The following USP46 variants were observed in gnomAD, a reference collection of about 807,000 sequenced individuals.
The protein encoded by USP46 is ubiquitin carboxyl-terminal hydrolase 46.
Under a neutral mutation model 44.4 loss-of-function variants are expected in USP46, and 12 were observed. That is an observed-to-expected ratio of 0.27 (90% CI 0.17 to 0.44). The LOEUF is 0.44. Among genes scored for constraint, USP46 ranks in the 20% least tolerant of loss-of-function variants. The pLI is 1.00. For missense variants in USP46, 248 were observed against 444.8 expected (o/e 0.56, Z 3.98); for synonymous variants, 155 against 161.5 (o/e 0.96, Z 0.31).
intron 6 of USP46, among the ~76,000 whole-genome samples, chr4:52,604,089 T>G (rs1311458750): frequency 6.6e-6 from 1 of 152,232 alleles, no homozygotes; most frequent in Non-Finnish European, 1.5e-5. Context: ...GAGGTCCTAA[T>G]GTTTAAGCAA....
intron 7 of USP46, among the ~76,000 whole-genome samples, chr4:52,601,348 T>C (rs573730068): frequency 6.6e-6 from 1 of 152,362 alleles, no homozygotes; most frequent in African/African-American, 2.4e-5. Context: ...CTCTCTCTTA[T>C]CTTTTTTCTG....
intron 4 of USP46, among the ~76,000 whole-genome samples, chr4:52,621,301 T>C (rs1717367524): frequency 1.3e-5 from 2 of 152,016 alleles, no homozygotes; most frequent in Non-Finnish European, 1.5e-5. Context: ...ACAATGTATA[T>C]AAAAGATAAA....
rs558384288 is a variant in USP46, at chr4:52,598,680, G to C, written c.947C>G (p.Thr316Ser). 1.2e-6 allele frequency: 2 copies of C among 1,609,972 alleles called. No individual in the cohort carries two copies. The highest frequency in any genetic ancestry group is 4.5e-5 in the East Asian group (2 of 44,816). The change falls in exon 8 of 9, where the codon ACT becomes AGT. Residue 316 changes from threonine (T) to serine (S), a missense_variant. By Grantham distance (58) the Thr-to-Ser change is moderately conservative. This residue lies in a region of USP46 where 98 missense variants were observed against 218.2 expected (regional missense o/e 0.45). Transcript: ENST00000441222. ...CCAGAAGCCGTGACTTTTCACAATA[G>C]TGATATAATGCCCACGATTAGGACC... ...GSGPNRGHYI[T>S]IVKSHGFWLL...
chr4:52,620,415 C>T (rs540969339), intron 4 of USP46, among the ~76,000 whole-genome samples: 7 of 152,228 alleles, frequency 4.6e-5, no homozygotes, highest in South Asian at 4.1e-4. Flanking sequence ...TTCTTCTTCA[C>T]GGCATCTTGC....
chr4:52,646,466 T>C (rs1472123142), intron 1 of USP46, among the ~76,000 whole-genome samples: 2 of 152,188 alleles, frequency 1.3e-5, no homozygotes, highest in Non-Finnish European at 2.9e-5. Context: ...TTTACAGCAA[T>C]GTTATTTACT....
At chr4:52,656,434 C>CGGGGGGGGG in intron 1 of USP46, 2 of 133,484 alleles carry the variant, frequency 1.5e-5, no homozygotes, top group East Asian at 4.6e-4. Context: ...ACAGTGGGGG[C>CGGGGGGGGG]GGTGGGTGGG....
Position 52,659,080 on chromosome 4 carries a change from G to C in USP46, c.36+35C>G, listed in dbSNP as rs766311773. 1.9e-6 allele frequency: 3 copies of C among 1,547,418 alleles called. No homozygotes were observed. Among genetic ancestry groups the C allele is most frequent in the African/African-American group, 2.8e-5 (2 of 70,468 alleles). On this transcript the variant is annotated intron_variant, in intron 1 of 8. Transcript: ENST00000441222. This position sits in a 1 kb window ranked among gnomAD's most constrained non-coding sequence, Gnocchi z 4.2. ...CTTCCCTTTCTTTGCCTCGCCGCGA[G>C]TCGGGCGCGACCCCGAGGCGGCTCG...
At chr4:52,628,328 C>G in intron 2 of USP46, 165 bp from the exon 3 acceptor site, 1 of 605,612 alleles carries the variant, frequency 1.7e-6, no homozygotes. Flanking sequence ...CTCTAAACAC[C>G]AGTGACCATC....
rs1716141673 is a variant in USP46 at position 52,594,286 on chromosome 4, CA to C, written c.*3353del. The C allele has an allele frequency of 6.6e-6, 1 of 152,206 alleles. No individual in the cohort carries two copies. The highest frequency in any genetic ancestry group is 2.4e-5 in the African/African-American group (1 of 41,528). The allele number at this position is 152,206 out of a possible 1,614,324, so 9.4% of individuals were successfully genotyped here. On this transcript the variant is annotated 3_prime_UTR_variant, in exon 9 of 9. Transcript: ENST00000441222. ...TTGCTTAAAGTGCTTGAATTGGTTA[CA>C]TTTTAAAAAATTAAGGTACAGATTA... is the stretch of plus-strand genomic sequence containing the variant.
chr4:52,597,475 G>A lies in USP46; in HGVS notation c.*165C>T. 5 of 597,142 alleles carry A rather than the reference G, an allele frequency of 8.4e-6. No individual in the cohort carries two copies. The highest frequency in any genetic ancestry group is 1.5e-5 in the Non-Finnish European group (5 of 337,482). 37.0% of individuals were successfully genotyped at this position (597,142 alleles called of 1,614,324 possible). A position where few individuals can be genotyped will look rare whatever the true frequency, so the allele number is the denominator to read the frequency against. On this transcript the variant is annotated 3_prime_UTR_variant, in exon 9 of 9. Transcript: ENST00000441222. ...AGACTGAAATAAAACCAAGAGTAGT[G>A]CTGCATGTAAAAACACAAAAGGAGA...
intron 1 of USP46, among the ~76,000 whole-genome samples, chr4:52,644,582 C>T (rs998617921): frequency 6.6e-6 from 1 of 152,046 alleles, no homozygotes; most frequent in African/African-American, 2.4e-5. Context: ...AGGTTGCATA[C>T]TCCTTCTGAG....
chr4:52,656,666 C>T (rs1260860572), intron 1 of USP46: 8 of 825,814 alleles, frequency 9.7e-6, no homozygotes, highest in Non-Finnish European at 1.2e-5. Flanking sequence ...AGTAATACAA[C>T]AATATTAACA....
intron 1 of USP46, among the ~76,000 whole-genome samples, chr4:52,655,996 A>C (rs779194750): frequency 2.6e-5 from 4 of 152,204 alleles, no homozygotes; most frequent in Non-Finnish European, 5.9e-5. Flanking sequence ...TATCTGCTAC[A>C]AATTTGATTT....
intron 1 of USP46, among the ~76,000 whole-genome samples, chr4:52,641,710 C>G (rs1718348236): frequency 6.6e-6 from 1 of 152,222 alleles, no homozygotes; most frequent in Non-Finnish European, 1.5e-5. Context: ...CCAGACCATG[C>G]CACAGATTAA....
At chr4:52,611,132 C>T (rs1412915298) in intron 4 of USP46, among the ~76,000 whole-genome samples, 3 of 152,180 alleles carry the variant, frequency 2.0e-5, no homozygotes, top group East Asian at 1.9e-4. Flanking sequence ...GCTGGAGAAT[C>T]GCACTGACCA....
chr4:52,640,639 T>TAA (rs768974353), intron 1 of USP46, among the ~76,000 whole-genome samples: 2 of 148,272 alleles, frequency 1.3e-5, no homozygotes, highest in South Asian at 4.3e-4. Flanking sequence ...TGTCTCTACT[T>TAA]AAAAAAAAAA....
chr4:52,632,985 AAAAGAAAAGAAAGAAAGAAAGAAAGAAAG>A (rs1717950955), intron 1 of USP46, among the ~76,000 whole-genome samples: 2 of 53,292 alleles, frequency 3.8e-5, no homozygotes, highest in African/African-American at 8.3e-5. Context: ...AGAAAGAAAG[AAAAGAAAAGAAAGAAAGAAAGAAAGAAAG>A]AAAGAAAGAA....
intron 1 of USP46, among the ~76,000 whole-genome samples, chr4:52,634,204 C>G (rs1043458324): frequency 2.6e-5 from 4 of 151,422 alleles, no homozygotes; most frequent in South Asian, 2.1e-4. Flanking sequence ...ACCTCTACCC[C>G]CTGGGTTCAA....
intron 1 of USP46, among the ~76,000 whole-genome samples, chr4:52,653,067 G>A (rs1718826130): frequency 6.6e-6 from 1 of 152,076 alleles, no homozygotes; most frequent in Admixed American, 6.6e-5. Flanking sequence ...ACTATCCATT[G>A]CAAAGAATCA....
Sources: allele counts gnomAD v4.1 joint callset (sites outside exome capture counted in the v4.1 genomes callset), GRCh38; gene constraint gnomAD v4.1.1; regional missense constraint gnomAD v4.1.1; non-coding constraint Gnocchi (gnomAD v3.1); transcripts MANE v1.5; gene names NCBI Gene and HGNC (gene_info 2026-07-23, HGNC 2026-07-21).